Variants in CABCOCO1 observed in about 807,000 individuals in gnomAD.
CABCOCO1 encodes ciliary associated calcium binding coiled-coil 1.
CABCOCO1 carries 28 observed loss-of-function variants against 35.7 expected under a neutral mutation model. The observed-to-expected ratio is 0.78, with a 90% CI of 0.58 to 1.07. CABCOCO1 has a LOEUF of 1.07. CABCOCO1 is among the 50% of genes least tolerant of loss of function. The pLI is 0.00. For missense variants in CABCOCO1, 326 were observed against 309.2 expected (o/e 1.05, Z -0.41); for synonymous variants, 95 against 100.1 (o/e 0.95, Z 0.30).
At chr10:61,760,758 C>T in intron 6 of CABCOCO1, 105 bp from the exon 7 acceptor site, 3 of 1,287,148 alleles carry the variant, frequency 2.3e-6, no homozygotes, top group South Asian at 3.3e-5. Flanking sequence ...TATCCTGGAA[C>T]TTAAAGTAAA....
intron 5 of CABCOCO1, among the ~76,000 whole-genome samples, chr10:61,720,158 A>G (rs887111834): frequency 6.6e-6 from 1 of 152,148 alleles, no homozygotes; most frequent in Non-Finnish European, 1.5e-5. Flanking sequence ...CCACTGTTCT[A>G]AAAGAAAAAG....
intron 1 of CABCOCO1, among the ~76,000 whole-genome samples, chr10:61,670,358 C>G (rs72821783): frequency 0.16 from 23,967 of 151,706 alleles, 2,067 homozygotes; most frequent in Middle Eastern, 0.22. Context: ...TACTAAAATA[C>G]TTTTTTCTTA....
intron 1 of CABCOCO1, among the ~76,000 whole-genome samples, 137 bp from the exon 2 acceptor site, chr10:61,672,495 A>G (rs117156209): frequency 9.8e-5 from 15 of 152,374 alleles, no homozygotes; most frequent in Admixed American, 2.6e-4. Flanking sequence ...AAGAAAAGAT[A>G]CCATCTCGAA....
intron 5 of CABCOCO1, among the ~76,000 whole-genome samples, chr10:61,746,778 A>G (rs1007567187): frequency 6.6e-6 from 1 of 152,138 alleles, no homozygotes; most frequent in African/African-American, 2.4e-5. Flanking sequence ...TGTTTTTTGT[A>G]AAGCTGTTTT....
chr10:61,712,791 G>T lies in CABCOCO1; in HGVS notation c.552+22170G>T, dbSNP rs559099474. Reference sequence around the variant, plus strand: ...TTTCCCCATTTCTTGTTTTTGTCAGGTTTGTCAAAGATCCGATGGTTGTAG... The same window carrying T: ...TTTCCCCATTTCTTGTTTTTGTCAGTTTTGTCAAAGATCCGATGGTTGTAG... On this transcript the variant is annotated intron_variant, in intron 5 of 7. Coordinates refer to ENST00000648843, the MANE Select transcript of CABCOCO1 (RefSeq NM_001366906.2). Among the ~76,000 whole-genome samples, 3 of 152,162 alleles carry T rather than the reference G, an allele frequency of 2.0e-5. No individual in the cohort carries two copies. In the South Asian group the frequency reaches 6.2e-4, roughly 32 times the overall value.
At chr10:61,738,873 A>T (rs1404982942) in intron 5 of CABCOCO1, among the ~76,000 whole-genome samples, 1 of 152,252 alleles carries the variant, frequency 6.6e-6, no homozygotes, top group Non-Finnish European at 1.5e-5. Flanking sequence ...AGACTATTAC[A>T]TGGAGGCTGT....
chr10:61,709,781 T>C (rs1307729913), intron 5 of CABCOCO1, among the ~76,000 whole-genome samples: 1 of 152,022 alleles, frequency 6.6e-6, no homozygotes, highest in East Asian at 1.9e-4. Context: ...ACTGTATCAC[T>C]ATTGGAAATG....
At chr10:61,717,919 A>C (rs547122853) in intron 5 of CABCOCO1, among the ~76,000 whole-genome samples, 1 of 152,340 alleles carries the variant, frequency 6.6e-6, no homozygotes, top group East Asian at 1.9e-4. Flanking sequence ...TTTTAACCCA[A>C]TAGCAGGGAA....
Position 61,680,671 on chromosome 10 carries a change from C to CATATATATGTTATATATGTATAACAT in CABCOCO1, c.165-466_165-465insATGTTATATATGTATAACATATATAT, listed in dbSNP as rs74188857. On this transcript the variant is annotated intron_variant, in intron 2 of 7. Coordinates refer to ENST00000648843, the MANE Select transcript of CABCOCO1 (RefSeq NM_001366906.2). Reference sequence around the variant, plus strand: ...TATATATTATGTTATACATGTATAACATATATGTTATACATGTATAACATA... The same window carrying CATATATATGTTATATATGTATAACAT: ...TATATATTATGTTATACATGTATAACATATATATGTTATATATGTATAACATATATATGTTATACATGTATAACATA... 2.4e-4 allele frequency among the ~76,000 whole-genome samples: 13 copies of CATATATATGTTATATATGTATAACAT among 53,462 alleles called. 1 individual carries two copies. Among genetic ancestry groups the CATATATATGTTATATATGTATAACAT allele is most frequent in the Admixed American group, 9.4e-4 (3 of 3,186 alleles). 35.1% of individuals were successfully genotyped at this position (53,462 alleles called of 152,430 possible).
At chr10:61,667,771 A>C (rs1323901473) in intron 1 of CABCOCO1, among the ~76,000 whole-genome samples, 2 of 151,848 alleles carry the variant, frequency 1.3e-5, no homozygotes, top group African/African-American at 4.8e-5. Context: ...TTGTTAGTAC[A>C]ATGTCCACTT....
chr10:61,667,890 T>C (rs975676332), intron 1 of CABCOCO1, among the ~76,000 whole-genome samples: 2 of 151,984 alleles, frequency 1.3e-5, no homozygotes, highest in Non-Finnish European at 2.9e-5. Context: ...AGAACCTCTA[T>C]AGTGTGTTGA....
At chr10:61,753,547 AC>A (rs950486182) in intron 5 of CABCOCO1, among the ~76,000 whole-genome samples, 5 of 152,120 alleles carry the variant, frequency 3.3e-5, no homozygotes, top group African/African-American at 1.2e-4. Context: ...CTGACTCTTT[AC>A]TTTTGACAAA....
chr10:61,670,447 G>A (rs865993222), intron 1 of CABCOCO1, among the ~76,000 whole-genome samples: 2 of 152,024 alleles, frequency 1.3e-5, no homozygotes, highest in Non-Finnish European at 2.9e-5. Context: ...GGTTAATAAT[G>A]TAGCATATTT....
intron 5 of CABCOCO1, among the ~76,000 whole-genome samples, chr10:61,710,809 C>T (rs753611388): frequency 6.6e-6 from 1 of 151,618 alleles, no homozygotes; most frequent in African/African-American, 2.4e-5. Context: ...TCAAGGTGGC[C>T]AGGATCAAGA....
chr10:61,743,321 A>G (rs1841589371), intron 5 of CABCOCO1, among the ~76,000 whole-genome samples: 1 of 152,202 alleles, frequency 6.6e-6, no homozygotes, highest in Non-Finnish European at 1.5e-5. Flanking sequence ...GCAAAAGACA[A>G]ACATATACTT....
At chr10:61,740,003 T>C (rs1003320086) in intron 5 of CABCOCO1, among the ~76,000 whole-genome samples, 3 of 152,326 alleles carry the variant, frequency 2.0e-5, no homozygotes, top group East Asian at 1.9e-4. Flanking sequence ...TATAAACGAC[T>C]TGAGAAGCTA....
intron 5 of CABCOCO1, among the ~76,000 whole-genome samples, chr10:61,749,437 AT>A (rs1841733783): frequency 6.6e-6 from 1 of 152,226 alleles, no homozygotes; most frequent in African/African-American, 2.4e-5. Context: ...AGATTTCTTT[AT>A]GCACGCAATG....
chr10:61,696,073 A>C (rs781530682), intron 5 of CABCOCO1, among the ~76,000 whole-genome samples: 1 of 152,138 alleles, frequency 6.6e-6, no homozygotes, highest in Non-Finnish European at 1.5e-5. Flanking sequence ...ATCTAAATAA[A>C]TATCAAATGT....
intron 5 of CABCOCO1, among the ~76,000 whole-genome samples, chr10:61,728,346 G>C (rs1841213517): frequency 6.6e-6 from 1 of 152,120 alleles, no homozygotes; most frequent in Non-Finnish European, 1.5e-5. Context: ...TACCTTTCCT[G>C]AAGTATGGAA....
Sources: gnomAD v4.1 joint callset for allele counts (sites outside exome capture counted in the v4.1 genomes callset) on GRCh38, gnomAD v4.1.1 for gene constraint, MANE v1.5 for transcripts, NCBI Gene and HGNC (gene_info 2026-07-23, HGNC 2026-07-21) for gene names.